CPAMD8: variants seen among roughly 807,000 people sequenced by gnomAD.
CPAMD8 encodes C3 and PZP-like alpha-2-macroglobulin domain-containing protein 8.
Under a neutral mutation model 224.7 loss-of-function variants are expected in CPAMD8, and 146 were observed. That is an observed-to-expected ratio of 0.65 (90% CI 0.57 to 0.75). The LOEUF is 0.75. CPAMD8 is among the 30% of genes least tolerant of loss of function. The pLI is 0.00. For synonymous variants in CPAMD8, 966 were observed against 1,044.6 expected (o/e 0.92, Z 1.45); for missense variants, 2,301 against 2,537.5 (o/e 0.91, Z 2.00).
intron 27 of CPAMD8, among the ~76,000 whole-genome samples, chr19:16,916,529 G>C (rs1378159757): frequency 6.6e-6 from 1 of 152,094 alleles, no homozygotes; most frequent in Admixed American, 6.6e-5. Flanking sequence ...TGGGATTCAG[G>C]AGTTCAAGAC....
chr19:16,999,146 A>G (rs903046642), intron 10 of CPAMD8, among the ~76,000 whole-genome samples: 2 of 152,192 alleles, frequency 1.3e-5, no homozygotes, highest in Non-Finnish European at 2.9e-5. Context: ...AGAGACAGAA[A>G]ACAGATAGTA....
In CPAMD8 at chr19:16,951,377, A is replaced by C. The variant is rs576170469; in HGVS notation, c.2508+592T>G. ...ATGGTTAGGAGGAAAAAAAATTAAAAGAAGAATGATTATTTTGTGACAGGT... is the reference window on the plus strand; with the variant it reads ...ATGGTTAGGAGGAAAAAAAATTAAACGAAGAATGATTATTTTGTGACAGGT... On this transcript the variant is annotated intron_variant, in intron 20 of 41. Transcript: ENST00000443236. Among the ~76,000 whole-genome samples, 4 of 152,298 alleles carry C rather than the reference A, an allele frequency of 2.6e-5. No individual in the cohort carries two copies. In the East Asian group the frequency reaches 7.7e-4, roughly 29 times the overall value.
chr19:16,977,242 C>T, intron 15 of CPAMD8, 126 bp downstream of exon 15: 1 of 671,820 alleles, frequency 1.5e-6, no homozygotes. Flanking sequence ...CTCATGTTCC[C>T]ATAATTCCTT....
chr19:17,002,319 C>T lies in CPAMD8; in HGVS notation c.705G>A (p.Pro235=), dbSNP rs773907220. 3.7e-6 allele frequency: 6 copies of T among 1,606,372 alleles called. No individual in the cohort carries two copies. The African/African-American group carries it at 4.0e-5, about 11-fold the overall frequency. Residue 235 remains proline (P), a synonymous_variant, in exon 9 of 42, where the codon CCG becomes CCA. Coordinates refer to ENST00000443236, the MANE Select transcript of CPAMD8 (RefSeq NM_015692.5). ...VLPKFELLID[P]PRYIQDLDAC... is the part of the protein sequence containing the mutation. ...CGTCCAGGTCTTGGATATACCGGGG[C>T]GGGTCAATCAGAAGCTCAAACTTGG...
intron 6 of CPAMD8, 91 bp from the exon 7 acceptor site, chr19:17,008,650 T>C: frequency 4.3e-6 from 6 of 1,390,836 alleles, no homozygotes; most frequent in Non-Finnish European, 6.1e-6. Context: ...TCCTCTCTCT[T>C]GGGCATGTCA....
At chr19:16,950,297 CAAAT>C (rs369163512) in intron 20 of CPAMD8, among the ~76,000 whole-genome samples, 6 of 151,638 alleles carry the variant, frequency 4.0e-5, no homozygotes, top group Non-Finnish European at 8.8e-5. Context: ...GATCCTATCT[CAAAT>C]AAATAAATAA....
intron 29 of CPAMD8, chr19:16,907,739 C>T (rs1353894871): frequency 6.6e-6 from 1 of 152,448 alleles, no homozygotes; most frequent in Non-Finnish European, 1.5e-5. Flanking sequence ...TCCCCAGTAA[C>T]TGGGACTACA....
At chr19:17,004,066 C>A (rs539738493) in intron 8 of CPAMD8, among the ~76,000 whole-genome samples, 3 of 151,848 alleles carry the variant, frequency 2.0e-5, no homozygotes, top group Non-Finnish European at 4.4e-5. Flanking sequence ...CCACCACGCC[C>A]GGCTAATTTT....
intron 20 of CPAMD8, among the ~76,000 whole-genome samples, chr19:16,948,868 A>AAAGGGAAGGG (rs764171792): frequency 2.7e-3 from 79 of 29,082 alleles, no homozygotes; most frequent in Non-Finnish European, 3.2e-3. Flanking sequence ...GAGGGAAAGG[A>AAAGGGAAGGG]AAGGGAAGGG....
rs773960472 is a variant in CPAMD8, at chr19:16,897,875, G to A, written c.4954+14C>T. ...GGACCGGGCCGGGCCGGGGGTGCGG[G>A]CGCGCGGGCCTACCGGGTTCGTAGT... On this transcript the variant is annotated intron_variant, in intron 38 of 41. Coordinates refer to ENST00000443236, the MANE Select transcript of CPAMD8 (RefSeq NM_015692.5). The A allele has an allele frequency of 6.3e-7, 1 of 1,597,624 alleles. No individual in the cohort carries two copies. The highest frequency in any genetic ancestry group is 1.1e-5 in the South Asian group (1 of 89,260).
intron 20 of CPAMD8, among the ~76,000 whole-genome samples, chr19:16,949,074 A>G (rs1373402834): frequency 1.3e-4 from 20 of 150,232 alleles, no homozygotes; most frequent in South Asian, 2.2e-4. Flanking sequence ...GGGAGGAAGG[A>G]AGGGAGGAAG....
intron 9 of CPAMD8, 41 bp downstream of exon 9, chr19:17,002,224 GA>G: frequency 7.6e-7 from 1 of 1,317,990 alleles, no homozygotes; most frequent in Non-Finnish European, 1.1e-6. Flanking sequence ...TGGGGAAGGG[GA>G]AGGGCCCCCC....
At chr19:16,909,999 G>A (rs1268822287) in intron 29 of CPAMD8, among the ~76,000 whole-genome samples, 2 of 151,046 alleles carry the variant, frequency 1.3e-5, no homozygotes, top group African/African-American at 2.4e-5. Flanking sequence ...TTACAGGCAC[G>A]TGCCATGGTG....
At position 16,896,564 on chromosome 19, in the gene CPAMD8, C is replaced by T. The variant is rs1486053213; in HGVS notation, c.5167G>A (p.Val1723Met). ...TAGACCACCCCGTCGGAGCCGCACACCGGGTTCCCCTGGGCGCCGCAGTCG... is the reference window on the plus strand; with the variant it reads ...TAGACCACCCCGTCGGAGCCGCACATCGGGTTCCCCTGGGCGCCGCAGTCG... Reference protein sequence around the residue: ...DHDCGAQGNPVCGSDGVVYAS... With the variant: ...DHDCGAQGNPMCGSDGVVYAS... Residue 1723 changes from valine to methionine, a missense_variant, in exon 40 of 42, where the codon GTG (valine) becomes ATG (methionine). Physicochemically the swap from Val to Met is conservative, Grantham distance 21. Around this residue, in one of 4 missense-constraint regions of CPAMD8, gnomAD observed 1,709 missense variants for 1,753.2 expected, o/e 0.97. Transcript: ENST00000443236. The T allele has an allele frequency of 6.6e-7, 1 of 1,508,882 alleles. No homozygotes were observed. The highest frequency in any genetic ancestry group is 8.8e-7 in the Non-Finnish European group (1 of 1,135,456). 93.5% of individuals were successfully genotyped at this position (1,508,882 alleles called of 1,614,324 possible).
At position 16,945,679 on chromosome 19, in the gene CPAMD8, G is replaced by A; in HGVS notation, c.2663C>T (p.Ala888Val). The A allele has an allele frequency of 6.2e-7, 1 of 1,614,030 alleles. No homozygotes were observed. Among genetic ancestry groups the A allele is most frequent in the East Asian group, 2.2e-5 (1 of 44,876 alleles). Residue 888 changes from alanine (A) to valine (V), a missense_variant and splice_region_variant, in exon 22 of 42, where the codon GCC (alanine) becomes GTC (valine). By Grantham distance (64) the Ala-to-Val change is moderately conservative. This residue lies in a region of CPAMD8 where 1,709 missense variants were observed against 1,753.2 expected (regional missense o/e 0.97). Transcript: ENST00000443236. ...FSDLGLNNIT[A>V]KALAYGDTNC... Reference sequence around the variant, plus strand: ...TGTGTCTCCGTAAGCAAGGGCTTTGGCTGCAGAAATTTGATGTCTTGGTCT... The same window carrying A: ...TGTGTCTCCGTAAGCAAGGGCTTTGACTGCAGAAATTTGATGTCTTGGTCT...
At chr19:16,914,859 C>CT in intron 27 of CPAMD8, 46 bp from the exon 28 acceptor site, 1 of 1,428,442 alleles carries the variant, frequency 7.0e-7, no homozygotes, top group Non-Finnish European at 9.6e-7. Flanking sequence ...GAATGGTCAG[C>CT]CCCCACATGC....
chr19:16,900,399 A>T (rs1231853965), intron 36 of CPAMD8, among the ~76,000 whole-genome samples: 1 of 152,008 alleles, frequency 6.6e-6, no homozygotes, highest in Non-Finnish European at 1.5e-5. Context: ...GGAGTTTGAG[A>T]CCAGCCTGAC....
intron 27 of CPAMD8, among the ~76,000 whole-genome samples, chr19:16,918,470 T>C (rs1205217140): frequency 1.4e-5 from 2 of 145,824 alleles, no homozygotes; most frequent in Non-Finnish European, 3.0e-5. Flanking sequence ...TTTTAAGAGA[T>C]GGAGTTTTGC....
chr19:16,893,265 T>C lies in CPAMD8; in HGVS notation c.5501A>G (p.His1834Arg), dbSNP rs1246310657. The C allele has an allele frequency of 2.0e-5, 31 of 1,566,462 alleles. No homozygotes were observed. Among genetic ancestry groups the C allele is most frequent in the Non-Finnish European group, 2.7e-5 (31 of 1,155,090 alleles). Reference protein sequence around the residue: ...ESSTQSASPFHRWGQTPAPQR... With the variant: ...ESSTQSASPFRRWGQTPAPQR... ...AGGGGCCGGAGTCTGGCCCCATCTG[T>C]GGAACGGGCTGGCGCTCTGGGTGCT... Residue 1834 changes from histidine to arginine, a missense_variant, in exon 42 of 42, where the codon CAC becomes CGC. Physicochemically the swap from His to Arg is conservative, Grantham distance 29. This residue lies in a region of CPAMD8 where 1,709 missense variants were observed against 1,753.2 expected (regional missense o/e 0.97). Transcript: ENST00000443236.
Sources: allele counts gnomAD v4.1 joint callset (sites outside exome capture counted in the v4.1 genomes callset), GRCh38; gene constraint gnomAD v4.1.1; regional missense constraint gnomAD v4.1.1; transcripts MANE v1.5; gene names NCBI Gene and HGNC (gene_info 2026-07-23, HGNC 2026-07-21).